The following PTPRO variants were observed in gnomAD, a reference collection of about 807,000 sequenced individuals.
PTPRO encodes receptor-type tyrosine-protein phosphatase O.
In PTPRO, 62 loss-of-function variants were observed where a neutral mutation model predicts 145.2. That is an observed-to-expected ratio of 0.43 (90% CI 0.35 to 0.53). The LOEUF is 0.53. Ranked by LOEUF, PTPRO falls within the 20% of genes least tolerant of loss-of-function variation. The probability of loss-of-function intolerance (pLI) is 0.01; values close to 1 mark genes in which losing one functional copy is unlikely to be tolerated. For synonymous variants in PTPRO, 565 were observed against 514.7 expected, an observed-to-expected ratio of 1.10 and a Z score of -1.32; for missense variants, 1,345 against 1,482.7, an observed-to-expected ratio of 0.91 and a Z score of 1.53.
intron 26 of PTPRO, chr12:15,595,688 T>C (rs1944645260): frequency 1.3e-5 from 2 of 156,678 alleles, no homozygotes; most frequent in African/African-American, 4.8e-5. Context: ...TTTAGTTCAG[T>C]AAACAGACTG....
At chr12:15,396,117 T>C (rs1335141611) in intron 1 of PTPRO, among the ~76,000 whole-genome samples, 1 of 152,192 alleles carries the variant, frequency 6.6e-6, no homozygotes, top group Non-Finnish European at 1.5e-5. Flanking sequence ...CTTTATTGCT[T>C]TTTATTCATA....
chr12:15,409,783 C>T lies in PTPRO; in HGVS notation c.76-74191C>T, dbSNP rs553762861. 3.3e-5 allele frequency among the ~76,000 whole-genome samples: 5 copies of T among 152,346 alleles called. No homozygotes were observed. The East Asian group carries it at 9.6e-4, about 29-fold the overall frequency. ...TTTAAATGACCAGATCTCACAAGAA[C>T]TCACTCACTATCTCAAGGACAGTAC... On this transcript the variant is annotated intron_variant, in intron 1 of 26. Transcript: ENST00000281171.
At chr12:15,543,326 A>G (rs1408730813) in intron 12 of PTPRO, among the ~76,000 whole-genome samples, 2 of 152,170 alleles carry the variant, frequency 1.3e-5, no homozygotes, top group East Asian at 3.9e-4. Flanking sequence ...GATTTTCCTG[A>G]GGATCTTATC....
chr12:15,467,961 C>T (rs905714049), intron 1 of PTPRO, among the ~76,000 whole-genome samples: 1 of 152,172 alleles, frequency 6.6e-6, no homozygotes, highest in African/African-American at 2.4e-5. Flanking sequence ...ATGTCCTCTG[C>T]CCTCCTCACC....
intron 2 of PTPRO, 103 bp from the exon 3 acceptor site, chr12:15,497,142 C>T (rs561205461): frequency 9.4e-6 from 10 of 1,065,826 alleles, no homozygotes; most frequent in African/African-American, 4.7e-5. Flanking sequence ...GAAAATTATG[C>T]GTGAATTTCT....
chr12:15,565,635 T>A lies in PTPRO; in HGVS notation c.2747+7T>A. ...AGAAGAGGAAACTGACAAAGTAAGT[T>A]TTTCTTACTATGTCATTTAAAAGGA... On this transcript the variant is annotated splice_region_variant and intron_variant, in intron 18 of 26. Transcript: ENST00000281171. 7.0e-7 allele frequency: 1 copy of A among 1,433,834 alleles called. No individual in the cohort carries two copies. Among genetic ancestry groups the A allele is most frequent in the Admixed American group, 1.7e-5 (1 of 58,718 alleles). 88.8% of individuals were successfully genotyped at this position (1,433,834 alleles called of 1,614,324 possible).
At chr12:15,420,407 C>T (rs1940112695) in intron 1 of PTPRO, among the ~76,000 whole-genome samples, 1 of 151,516 alleles carries the variant, frequency 6.6e-6, no homozygotes. Flanking sequence ...ATCTCACCTG[C>T]GTGCATTTTA....
intron 1 of PTPRO, among the ~76,000 whole-genome samples, chr12:15,412,446 T>G (rs1363235910): frequency 2.0e-5 from 3 of 152,228 alleles, no homozygotes; most frequent in Non-Finnish European, 4.4e-5. Flanking sequence ...TTTCCTGTTT[T>G]TAGGACATTT....
At chr12:15,449,159 C>T (rs1940984698) in intron 1 of PTPRO, among the ~76,000 whole-genome samples, 1 of 151,132 alleles carries the variant, frequency 6.6e-6, no homozygotes, top group Admixed American at 6.6e-5. Context: ...CAGAAATCAG[C>T]AGTAAGGTAC....
In PTPRO at chr12:15,586,902, C is replaced by A. The variant is rs77872564; in HGVS notation, c.3261C>A (p.Asp1087Glu). 2 of 1,613,904 alleles carry A rather than the reference C, an allele frequency of 1.2e-6. No individual in the cohort carries two copies. Among genetic ancestry groups the A allele is most frequent in the East Asian group, 2.2e-5 (1 of 44,844 alleles). ...TTTGGCTTTTTTCTCTAAAGGCTGA[C>A]GAGATGCAGGATGTGATGCATTTTA... ...ACRHFRINYA[D>E]EMQDVMHFNY... Residue 1087 changes from aspartate (D) to glutamate (E), a missense_variant, in exon 24 of 27, where the codon GAC (aspartate) becomes GAA (glutamate). Transcript: ENST00000281171.
intron 15 of PTPRO, 126 bp downstream of exon 15, chr12:15,551,797 T>G: frequency 1.0e-6 from 1 of 1,000,382 alleles, no homozygotes. Flanking sequence ...AGTGTCTGTT[T>G]CTATTGTGTG....
At chr12:15,415,024 G>C (rs921892613) in intron 1 of PTPRO, among the ~76,000 whole-genome samples, 2 of 152,162 alleles carry the variant, frequency 1.3e-5, no homozygotes, top group Non-Finnish European at 2.9e-5. Context: ...CAATTGATGT[G>C]GAAAGTATTT....
intron 1 of PTPRO, among the ~76,000 whole-genome samples, chr12:15,350,909 C>T (rs1373728451): frequency 6.6e-6 from 1 of 152,208 alleles, no homozygotes; most frequent in African/African-American, 2.4e-5. Context: ...CTCACTATGA[C>T]AACTTCAGAA....
At chr12:15,580,141 T>A in intron 21 of PTPRO, 26 bp downstream of exon 21, 1 of 1,563,408 alleles carries the variant, frequency 6.4e-7, no homozygotes, top group Non-Finnish European at 8.8e-7. Context: ...AAATCAGGCA[T>A]CCCAAAGCTA....
intron 1 of PTPRO, among the ~76,000 whole-genome samples, chr12:15,459,178 A>G (rs1483911149): frequency 6.6e-6 from 1 of 151,562 alleles, no homozygotes; most frequent in Non-Finnish European, 1.5e-5. Flanking sequence ...ATGTGATCCA[A>G]CTCTTTTCTT....
chr12:15,589,435 A>C lies in PTPRO; in HGVS notation c.3411-20A>C. ...AGAAGCACCATCTGAATAATATGCC[A>C]TCGGAACATTCTTTTGCAGTGCTGG... On this transcript the variant is annotated intron_variant, in intron 24 of 26. Coordinates refer to ENST00000281171, the MANE Select transcript of PTPRO (RefSeq NM_030667.3). 6.2e-7 allele frequency: 1 copy of C among 1,613,838 alleles called. No homozygotes were observed. The highest frequency in any genetic ancestry group is 8.5e-7 in the Non-Finnish European group (1 of 1,179,876).
rs1944273695 is a variant in PTPRO, at chr12:15,579,952, A to AT, written c.2921-84dup. Reference sequence around the variant, plus strand: ...TATCTGCCTACTCTGTCACTGACTGATTTAACTTAATATTGGATAGAAAGG... The same window carrying AT: ...TATCTGCCTACTCTGTCACTGACTGATTTTAACTTAATATTGGATAGAAAGG... On this transcript the variant is annotated intron_variant, in intron 20 of 26. Coordinates refer to ENST00000281171, the MANE Select transcript of PTPRO (RefSeq NM_030667.3). The AT allele has an allele frequency of 3.0e-6, 3 of 1,014,848 alleles. No homozygotes were observed. In the Admixed American group the frequency reaches 5.3e-5, roughly 18 times the overall value. The allele number at this position is 1,014,848 out of a possible 1,614,324, so 62.9% of individuals were successfully genotyped here. A position where few individuals can be genotyped will look rare whatever the true frequency, so the allele number is the denominator to read the frequency against.
intron 10 of PTPRO, among the ~76,000 whole-genome samples, chr12:15,523,674 C>T (rs899285870): frequency 2.6e-5 from 4 of 152,114 alleles, no homozygotes; most frequent in African/African-American, 9.7e-5. Flanking sequence ...ACTTGGTAGA[C>T]TGAGGCAGGA....
At chr12:15,461,703 G>A (rs1194826162) in intron 1 of PTPRO, among the ~76,000 whole-genome samples, 1 of 151,072 alleles carries the variant, frequency 6.6e-6, no homozygotes, top group African/African-American at 2.4e-5. Flanking sequence ...GAGTAGCTGA[G>A]ACTACAGGTG....
Sources: allele counts gnomAD v4.1 joint callset (sites outside exome capture counted in the v4.1 genomes callset), GRCh38; gene constraint gnomAD v4.1.1; transcripts MANE v1.5; gene names NCBI Gene and HGNC (gene_info 2026-07-23, HGNC 2026-07-21).